The following RBFOX2 variants were observed in gnomAD, a reference collection of about 807,000 sequenced individuals.
RBFOX2 encodes the protein RNA binding fox-1 homolog 2, also known as RNA binding protein fox-1 homolog 2.
RBFOX2 carries 10 observed loss-of-function variants against 49.1 expected under a neutral mutation model. That is an observed-to-expected ratio of 0.20 (90% CI 0.13 to 0.35). RBFOX2 has a LOEUF of 0.35. Among genes scored for constraint, RBFOX2 ranks in the 10% least tolerant of loss-of-function variants. The pLI is 1.00. For synonymous variants in RBFOX2, 183 were observed against 187.4 expected (o/e 0.98, Z 0.19); for missense variants, 323 against 486.9 (o/e 0.66, Z 3.17).
intron 1 of RBFOX2, chr22:35,995,417 A>G (rs2058149564): frequency 6.6e-6 from 1 of 152,202 alleles, no homozygotes; most frequent in Admixed American, 6.5e-5. Context: ...CTAGGATCAT[A>G]GCTTTCAAGA....
At chr22:35,943,345 T>C (rs1369421089), upstream of RBFOX2, among the ~76,000 whole-genome samples, 1 of 152,190 alleles carries the variant, frequency 6.6e-6, no homozygotes, top group East Asian at 1.9e-4. Context: ...GGAAATCAGA[T>C]GTGTTAGAAG....
At chr22:35,788,365 A>G (rs889565752) in intron 2 of RBFOX2, among the ~76,000 whole-genome samples, 5 of 152,124 alleles carry the variant, frequency 3.3e-5, no homozygotes, top group Non-Finnish European at 5.9e-5. Context: ...TGGATTATCC[A>G]CTTTCTTCAA....
intron 1 of RBFOX2, among the ~76,000 whole-genome samples, chr22:35,903,597 C>T (rs964071051): frequency 1.3e-5 from 2 of 152,116 alleles, no homozygotes; most frequent in Non-Finnish European, 2.9e-5. Context: ...GTCACACAAG[C>T]ATGTCAAACT....
chr22:36,007,257 A>C, intron 1 of RBFOX2, among the ~76,000 whole-genome samples: 2 of 151,818 alleles, frequency 1.3e-5, no homozygotes, highest in Middle Eastern at 6.9e-3. Flanking sequence ...CTAATATACA[A>C]ACATATAAAT....
rs1175735141 is a variant in RBFOX2, at chr22:35,744,264, G to A, written c.1050-15C>T. ...TATAAACTCGCCTGCAGTAATTAAA[G>A]AGATAAAAATAATTAAAAGGTTGAT... On this transcript the variant is annotated splice_polypyrimidine_tract_variant and intron_variant, in intron 11 of 11. Transcript: ENST00000405409. 4 of 1,605,966 alleles carry A rather than the reference G, an allele frequency of 2.5e-6. No homozygotes were observed. Among genetic ancestry groups the A allele is most frequent in the Non-Finnish European group, 2.6e-6 (3 of 1,175,748 alleles).
chr22:35,955,389 A>C (rs921043090), intron 1 of RBFOX2, among the ~76,000 whole-genome samples: 24 of 152,184 alleles, frequency 1.6e-4, no homozygotes, highest in African/African-American at 5.8e-4. Context: ...CCTAAAAAAT[A>C]TTTTATGAAA....
At chr22:35,840,904 T>C (rs1958655556), upstream of RBFOX2, among the ~76,000 whole-genome samples, 1 of 152,110 alleles carries the variant, frequency 6.6e-6, no homozygotes, top group Non-Finnish European at 1.5e-5. Flanking sequence ...TGTGAAGAAG[T>C]GAAAAGCTAT....
At chr22:35,857,329 T>G (rs2042625559) in intron 1 of RBFOX2, among the ~76,000 whole-genome samples, 1 of 152,076 alleles carries the variant, frequency 6.6e-6, no homozygotes, top group Non-Finnish European at 1.5e-5. Context: ...TTACAAGAGG[T>G]TACAGATGAC....
intron 1 of RBFOX2, among the ~76,000 whole-genome samples, chr22:36,026,452 C>T (rs1013251935): frequency 2.2e-4 from 34 of 151,788 alleles, no homozygotes; most frequent in Admixed American, 3.9e-4. Context: ...TGAAGGCAAC[C>T]AACAGATAAT....
At chr22:36,002,203 C>T (rs367609476) in intron 1 of RBFOX2, among the ~76,000 whole-genome samples, 8 of 152,150 alleles carry the variant, frequency 5.3e-5, no homozygotes, top group Admixed American at 2.6e-4. Context: ...CTCAGCAATA[C>T]CTATGAAAAG....
At chr22:35,890,490 A>AAT (rs1173762059) in intron 1 of RBFOX2, among the ~76,000 whole-genome samples, 2 of 152,188 alleles carry the variant, frequency 1.3e-5, no homozygotes, top group Non-Finnish European at 2.9e-5. Flanking sequence ...TCTCTCTCAA[A>AAT]ATATAATACT....
intron 1 of RBFOX2, among the ~76,000 whole-genome samples, chr22:36,026,097 T>G (rs924074593): frequency 6.6e-6 from 1 of 151,978 alleles, no homozygotes. Context: ...AAACCCCCTC[T>G]CTACTAAAAA....
intron 1 of RBFOX2, among the ~76,000 whole-genome samples, chr22:36,015,410 T>C (rs887281508): frequency 1.3e-5 from 2 of 152,176 alleles, no homozygotes; most frequent in African/African-American, 2.4e-5. Flanking sequence ...CCTGTAAGCT[T>C]TGCCAAAGGG....
At chr22:35,793,922 A>G (rs912007205) in intron 2 of RBFOX2, among the ~76,000 whole-genome samples, 3 of 152,208 alleles carry the variant, frequency 2.0e-5, no homozygotes, top group African/African-American at 4.8e-5. Flanking sequence ...CATCATTTGT[A>G]TATGTAACAT....
chr22:35,966,743 C>A (rs1338603016), intron 1 of RBFOX2, among the ~76,000 whole-genome samples: 1 of 152,092 alleles, frequency 6.6e-6, no homozygotes, highest in Non-Finnish European at 1.5e-5. Flanking sequence ...TAGAGACTAG[C>A]CAGATCCCTA....
At chr22:35,778,724 C>T (rs1386308672) in intron 3 of RBFOX2, among the ~76,000 whole-genome samples, 1 of 152,052 alleles carries the variant, frequency 6.6e-6, no homozygotes, top group Non-Finnish European at 1.5e-5. Flanking sequence ...GTAACCTCTG[C>T]CTCCTGGATT....
At chr22:35,849,699 A>G (rs1370936650) in intron 1 of RBFOX2, among the ~76,000 whole-genome samples, 1 of 152,214 alleles carries the variant, frequency 6.6e-6, no homozygotes, top group Non-Finnish European at 1.5e-5. Context: ...TGTCCTGTCC[A>G]AAGGAACTAG....
At chr22:35,834,832 T>C (rs890987837) in intron 1 of RBFOX2, among the ~76,000 whole-genome samples, 2 of 152,152 alleles carry the variant, frequency 1.3e-5, no homozygotes, top group African/African-American at 4.8e-5. Context: ...CAGGATTTTA[T>C]TCAGAGACTG....
intron 1 of RBFOX2, chr22:35,821,962 A>C (rs568515376): frequency 3.5e-5 from 18 of 518,858 alleles, no homozygotes; most frequent in African/African-American, 3.3e-4. Flanking sequence ...GAAAGGACAG[A>C]GAAGCAATAG....
Sources: allele counts gnomAD v4.1 joint callset (sites outside exome capture counted in the v4.1 genomes callset), GRCh38; gene constraint gnomAD v4.1.1; transcripts MANE v1.5; gene names NCBI Gene and HGNC (gene_info 2026-07-23, HGNC 2026-07-21).